Variants in PDE1C observed in about 807,000 individuals in gnomAD.
PDE1C encodes the protein dual specificity calcium/calmodulin-dependent 3',5'-cyclic nucleotide phosphodiesterase 1C.
Under a neutral mutation model 93.1 loss-of-function variants are expected in PDE1C, and 62 were observed. That is an observed-to-expected ratio of 0.67 (90% CI 0.54 to 0.82). PDE1C has a LOEUF of 0.82. Ranked by LOEUF, PDE1C falls within the 40% of genes least tolerant of loss-of-function variation. The pLI, the probability that PDE1C is intolerant of heterozygous loss-of-function variation, is 0.00. For missense variants in PDE1C, 742 were observed against 884.6 expected, an observed-to-expected ratio of 0.84 and a Z score of 2.04; for synonymous variants, 325 against 310.1, an observed-to-expected ratio of 1.05 and a Z score of -0.50.
At chr7:32,103,967 A>T (rs1798165620) in intron 3 of PDE1C, among the ~76,000 whole-genome samples, 1 of 152,210 alleles carries the variant, frequency 6.6e-6, no homozygotes, top group African/African-American at 2.4e-5. Context: ...TGAGCTTGAA[A>T]AAAGTCTAAC....
At chr7:32,092,013 T>C (rs903538225) in intron 3 of PDE1C, among the ~76,000 whole-genome samples, 1 of 152,210 alleles carries the variant, frequency 6.6e-6, no homozygotes, top group Non-Finnish European at 1.5e-5. Context: ...TCCAAGGTTT[T>C]TGGCCCAAGG....
chr7:31,841,771 G>A (rs1791931096), intron 9 of PDE1C, among the ~76,000 whole-genome samples: 1 of 152,098 alleles, frequency 6.6e-6, no homozygotes, highest in Non-Finnish European at 1.5e-5. Context: ...TTTATTATGA[G>A]GAAGTGGCTC....
chr7:32,162,483 C>A (rs140421506), intron 3 of PDE1C, among the ~76,000 whole-genome samples: 4 of 152,144 alleles, frequency 2.6e-5, no homozygotes, highest in Admixed American at 2.6e-4. Flanking sequence ...AAAAGCTGAG[C>A]GAGGCTGAGA....
At chr7:32,212,401 GGA>G (rs1291010687) in intron 1 of PDE1C, among the ~76,000 whole-genome samples, 1 of 152,154 alleles carries the variant, frequency 6.6e-6, no homozygotes, top group Non-Finnish European at 1.5e-5. Flanking sequence ...TGGGACACCA[GGA>G]GAGTTTCCTC....
intron 3 of PDE1C, among the ~76,000 whole-genome samples, chr7:32,103,836 T>C (rs147987804): frequency 6.6e-6 from 1 of 152,006 alleles, no homozygotes; most frequent in Non-Finnish European, 1.5e-5. Context: ...TAAGATAAAA[T>C]ATTGCAGAGA....
At chr7:31,636,349 A>C in the PDE1C span, among the ~76,000 whole-genome samples, 1 of 152,222 alleles carries the variant, frequency 6.6e-6, no homozygotes, top group Admixed American at 6.5e-5. Context: ...AATTTCATCC[A>C]TTCATTGTAA....
chr7:31,852,091 C>A (rs1271322098), intron 7 of PDE1C, among the ~76,000 whole-genome samples: 2 of 152,154 alleles, frequency 1.3e-5, no homozygotes, highest in Admixed American at 1.3e-4. Context: ...TTAAAATGAA[C>A]ATTTAAGTGT....
intron 1 of PDE1C, among the ~76,000 whole-genome samples, chr7:32,376,848 G>A (rs1230874308): frequency 3.9e-5 from 6 of 151,974 alleles, no homozygotes; most frequent in Non-Finnish European, 8.8e-5. Flanking sequence ...CCACCACGCC[G>A]GGTTAATTTT....
the PDE1C span, among the ~76,000 whole-genome samples, chr7:31,684,598 A>T: frequency 6.6e-6 from 1 of 152,244 alleles, no homozygotes; most frequent in East Asian, 1.9e-4. Flanking sequence ...ATTAGAAGGT[A>T]GACAAGAGAC....
chr7:31,716,729 G>C, the PDE1C span, among the ~76,000 whole-genome samples: 1 of 152,104 alleles, frequency 6.6e-6, no homozygotes, highest in African/African-American at 2.4e-5. Flanking sequence ...ATAAATAATT[G>C]AAAGAAGGGA....
downstream of PDE1C, among the ~76,000 whole-genome samples, chr7:31,750,283 G>A (rs1794094257): frequency 1.2e-5 from 1 of 83,138 alleles, no homozygotes; most frequent in African/African-American, 3.4e-5. Context: ...CACAGTAGAT[G>A]AAGGCCCAAG....
chr7:31,788,014 T>G (rs926336280), intron 16 of PDE1C: 12 of 152,194 alleles, frequency 7.9e-5, no homozygotes, highest in African/African-American at 2.7e-4. Context: ...GAGTTTTAGG[T>G]GAAGTTCTTT....
At chr7:32,404,799 G>C (rs1785018592) in intron 1 of PDE1C, among the ~76,000 whole-genome samples, 1 of 152,194 alleles carries the variant, frequency 6.6e-6, no homozygotes, top group South Asian at 2.1e-4. Flanking sequence ...GCCTCCAATT[G>C]AAACACTGCA....
intron 1 of PDE1C, among the ~76,000 whole-genome samples, chr7:32,266,616 A>T (rs770828614): frequency 1.1e-4 from 17 of 152,214 alleles, no homozygotes; most frequent in Non-Finnish European, 4.4e-5. Context: ...GCTATGAATG[A>T]ATTAAAATCC....
intron 2 of PDE1C, among the ~76,000 whole-genome samples, chr7:31,951,564 G>A (rs368554599): frequency 1.4e-4 from 21 of 152,326 alleles, no homozygotes; most frequent in Non-Finnish European, 2.5e-4. Flanking sequence ...CAGTACAATT[G>A]CCAGGTTAAC....
chr7:31,705,641 T>C, the PDE1C span, among the ~76,000 whole-genome samples: 3 of 152,238 alleles, frequency 2.0e-5, no homozygotes, highest in East Asian at 5.8e-4. Context: ...TTCATTAATT[T>C]ACTGCTGTTG....
the PDE1C span, among the ~76,000 whole-genome samples, chr7:31,741,169 T>C: frequency 6.6e-6 from 1 of 152,230 alleles, no homozygotes; most frequent in African/African-American, 2.4e-5. Context: ...AGCTTTGTGG[T>C]GCTGTGACTT....
chr7:31,628,254 C>G, the PDE1C span, among the ~76,000 whole-genome samples: 1 of 152,048 alleles, frequency 6.6e-6, no homozygotes, highest in Non-Finnish European at 1.5e-5. Context: ...ATTGATGGAA[C>G]ACAAGAGAAA....
intron 2 of PDE1C, among the ~76,000 whole-genome samples, chr7:31,889,189 G>A (rs1798323903): frequency 6.6e-6 from 1 of 152,202 alleles, no homozygotes; most frequent in Non-Finnish European, 1.5e-5. Context: ...TATAGTTGAT[G>A]TGGTAAAACA....
Sources: gnomAD v4.1 joint callset for allele counts (sites outside exome capture counted in the v4.1 genomes callset) on GRCh38, gnomAD v4.1.1 for gene constraint, MANE v1.5 for transcripts, NCBI Gene and HGNC (gene_info 2026-07-23, HGNC 2026-07-21) for gene names.